The following RSL1D1 variants were observed in gnomAD, a reference collection of about 807,000 sequenced individuals.
The protein encoded by RSL1D1 is ribosomal L1 domain containing 1, also known as ribosomal L1 domain-containing protein 1.
RSL1D1 carries 34 observed loss-of-function variants against 44.6 expected under a neutral mutation model. The ratio of observed to expected loss-of-function variants is 0.76; its 90% CI spans 0.58 to 1.02. The LOEUF (loss-of-function observed/expected upper bound fraction) is 1.02, where lower values mean the gene tolerates loss of function less well. Among genes scored for constraint, RSL1D1 ranks in the 50% least tolerant of loss-of-function variants. The pLI, the probability that RSL1D1 is intolerant of heterozygous loss-of-function variation, is 0.00. For synonymous variants in RSL1D1, 271 were observed against 207.4 expected (o/e 1.31, Z -2.63); for missense variants, 767 against 568.1 (o/e 1.35, Z -3.56).
In RSL1D1 at chr16:11,851,445, G is replaced by A. The variant is rs1349170935; in HGVS notation, c.68C>T (p.Ala23Val). The A allele has an allele frequency of 1.2e-6, 2 of 1,614,092 alleles. No homozygotes were observed. Among genetic ancestry groups the A allele is most frequent in the Non-Finnish European group, 8.5e-7 (1 of 1,179,974 alleles). Residue 23 changes from alanine to valine, a missense_variant, in exon 1 of 9, where the codon GCG becomes GTG. Transcript: ENST00000571133. Reference sequence around the variant, plus strand: ...CAGCTGCTTCCGTGCTGTCGGGGCCGCTGGAGTCGAGGTGGAGGTTCCAGT... The same window carrying A: ...CAGCTGCTTCCGTGCTGTCGGGGCCACTGGAGTCGAGGTGGAGGTTCCAGT... ...AATGTSTSTP[A>V]APTARKQLDK...
At chr16:11,842,340 AC>A (rs1567419005) in intron 5 of RSL1D1, among the ~76,000 whole-genome samples, 1 of 148,716 alleles carries the variant, frequency 6.7e-6, no homozygotes, top group Admixed American at 6.6e-5. Context: ...GAAAAAAAAA[AC>A]AAAACAAAAA....
chr16:11,846,890 C>G, intron 3 of RSL1D1, 47 bp from the exon 4 acceptor site: 1 of 1,502,348 alleles, frequency 6.7e-7, no homozygotes, highest in Non-Finnish European at 9.2e-7. Flanking sequence ...GGAATCTAAA[C>G]AAGGAGAAGA....
intron 5 of RSL1D1, among the ~76,000 whole-genome samples, chr16:11,845,097 A>T (rs2053788189): frequency 6.6e-6 from 1 of 152,226 alleles, no homozygotes; most frequent in Admixed American, 6.5e-5. Flanking sequence ...AATTCATTTA[A>T]TAGGAAGTTA....
At chr16:11,838,644 G>C (rs1425236195) in intron 8 of RSL1D1, among the ~76,000 whole-genome samples, 1 of 151,484 alleles carries the variant, frequency 6.6e-6, no homozygotes, top group Non-Finnish European at 1.5e-5. Context: ...ATTACTTGAG[G>C]CCAGGAGTTC....
Position 11,837,730 on chromosome 16 carries a change from A to G in RSL1D1, c.*57T>C. On this transcript the variant is annotated 3_prime_UTR_variant, in exon 9 of 9. Transcript: ENST00000571133. ...TTACAAAGGCGGCCAGGATCTGAGT[A>G]TTTCCAAAAAGCTCTGGAGGCAGCA... 6.9e-7 allele frequency: 1 copy of G among 1,448,782 alleles called. No homozygotes were observed. The highest frequency in any genetic ancestry group is 9.4e-7 in the Non-Finnish European group (1 of 1,062,072). The allele number at this position is 1,448,782 out of a possible 1,614,324, so 89.7% of individuals were successfully genotyped here.
intron 2 of RSL1D1, among the ~76,000 whole-genome samples, chr16:11,848,217 G>A (rs1209054063): frequency 6.6e-6 from 1 of 152,000 alleles, no homozygotes; most frequent in Non-Finnish European, 1.5e-5. Context: ...CGCACCACTG[G>A]ACTCCAGCCT....
chr16:11,838,587 T>C (rs1336321644), intron 8 of RSL1D1, among the ~76,000 whole-genome samples: 1 of 151,976 alleles, frequency 6.6e-6, no homozygotes, highest in Non-Finnish European at 1.5e-5. Flanking sequence ...ATAGGTGAGG[T>C]GGCTCATGCC....
chr16:11,839,552 A>G, intron 8 of RSL1D1, 143 bp downstream of exon 8: 1 of 1,266,864 alleles, frequency 7.9e-7, no homozygotes, highest in Non-Finnish European at 1.1e-6. Context: ...AAAAAGGTAC[A>G]ATAAATCATG....
chr16:11,843,350 C>T lies in RSL1D1; in HGVS notation c.636-1350G>A, dbSNP rs2053776166. On this transcript the variant is annotated intron_variant, in intron 5 of 8. Transcript: ENST00000571133. ...TCTCCCAAAGTGCTGGGATTACAAG[C>T]GTGAGCCACCATGCCCAGCCGAGGC... Among the ~76,000 whole-genome samples the T allele has an allele frequency of 3.3e-5, 5 of 151,878 alleles. No individual in the cohort carries two copies. The South Asian group carries it at 1.0e-3, about 32-fold the overall frequency.
intron 1 of RSL1D1, chr16:11,851,192 G>A: frequency 8.1e-6 from 5 of 613,796 alleles, no homozygotes; most frequent in Non-Finnish European, 1.5e-5. Flanking sequence ...CAGCACACTT[G>A]CAACCCAATT....
intron 5 of RSL1D1, among the ~76,000 whole-genome samples, chr16:11,845,629 C>T (rs2053792295): frequency 6.6e-6 from 1 of 152,152 alleles, no homozygotes; most frequent in Non-Finnish European, 1.5e-5. Flanking sequence ...TAGCTACATA[C>T]AAATAGTGCC....
chr16:11,846,811 A>G lies in RSL1D1; in HGVS notation c.417T>C (p.Tyr139=), dbSNP rs749691057. ...IISLQTLKKE[Y]KSYEAKLRLL... ...GGCGGAGCTTGGCTTCATAGGATTTATATTCCTTCTTTAGAGTTTGGAGGG... is the reference window on the plus strand; with the variant it reads ...GGCGGAGCTTGGCTTCATAGGATTTGTATTCCTTCTTTAGAGTTTGGAGGG... Residue 139 remains tyrosine (Y), a synonymous_variant, in exon 4 of 9, where the codon TAT becomes TAC. Transcript: ENST00000571133. 2 of 1,611,992 alleles carry G rather than the reference A, an allele frequency of 1.2e-6. No individual in the cohort carries two copies. Among genetic ancestry groups the G allele is most frequent in the South Asian group, 2.2e-5 (2 of 91,058 alleles).
Position 11,839,856 on chromosome 16 carries a change from T to C in RSL1D1, c.985A>G (p.Thr329Ala). 1.2e-6 allele frequency: 2 copies of C among 1,614,202 alleles called. No individual in the cohort carries two copies. The highest frequency in any genetic ancestry group is 8.5e-7 in the Non-Finnish European group (1 of 1,180,042). The change falls in exon 8 of 9, where the codon ACA (threonine) becomes GCA (alanine). Residue 329 changes from threonine (T) to alanine (A), a missense_variant. Coordinates refer to ENST00000571133, the MANE Select transcript of RSL1D1 (RefSeq NM_015659.3). ...TTCTTTGATTCAGGTTTCTTCACTGTAGTATCACCACTTTCAGGTGCCACA... is the reference window on the plus strand; with the variant it reads ...TTCTTTGATTCAGGTTTCTTCACTGCAGTATCACCACTTTCAGGTGCCACA... ...DDVAPESGDT[T>A]VKKPESKKEQ...
rs74713371 is a variant in RSL1D1 at position 11,835,184 on chromosome 16, G to GT, written c.*2602dup. 0.082 allele frequency: 12,134 copies of GT among 148,092 alleles called. 580 individuals are homozygous for GT. The highest frequency in any genetic ancestry group is 0.18 in the South Asian group (837 of 4,686). 9.2% of individuals were successfully genotyped at this position (148,092 alleles called of 1,614,324 possible). Reference sequence around the variant, plus strand: ...CCTCTAATTTCAGGGAGAGCTAGATGTTTTTTTTTTTCTCTTTTTTTCAGT... The same window carrying GT: ...CCTCTAATTTCAGGGAGAGCTAGATGTTTTTTTTTTTTCTCTTTTTTTCAGT... On this transcript the variant is annotated 3_prime_UTR_variant, in exon 9 of 9. Transcript: ENST00000571133.
intron 5 of RSL1D1, among the ~76,000 whole-genome samples, chr16:11,844,045 C>G (rs551507523): frequency 9.9e-5 from 15 of 152,234 alleles, no homozygotes; most frequent in Non-Finnish European, 1.8e-4. Flanking sequence ...AGAAGGAAGG[C>G]TCACTGTCGG....
chr16:11,840,556 A>C (rs1299051135), intron 7 of RSL1D1, among the ~76,000 whole-genome samples: 2 of 152,182 alleles, frequency 1.3e-5, no homozygotes, highest in East Asian at 3.8e-4. Context: ...CGACAGAGTG[A>C]AACTCTGTCT....
Position 11,836,226 on chromosome 16 carries a change from G to A in RSL1D1, c.*1561C>T, listed in dbSNP as rs998414736. The A allele has an allele frequency of 1.3e-5, 2 of 152,150 alleles. No homozygotes were observed. Among genetic ancestry groups the A allele is most frequent in the African/African-American group, 4.8e-5 (2 of 41,440 alleles). The allele number at this position is 152,150 out of a possible 1,614,324, so 9.4% of individuals were successfully genotyped here. ...CCTTCACAGCCTCCACCATCCCGAT[G>A]GTCTGCTGGTCCTACTTCTCTCTCA... On this transcript the variant is annotated 3_prime_UTR_variant, in exon 9 of 9. Coordinates refer to ENST00000571133, the MANE Select transcript of RSL1D1 (RefSeq NM_015659.3).
At chr16:11,844,029 T>C (rs552493576) in intron 5 of RSL1D1, among the ~76,000 whole-genome samples, 2 of 150,180 alleles carry the variant, frequency 1.3e-5, no homozygotes, top group African/African-American at 4.9e-5. Context: ...CAGAAGGAAG[T>C]GAGCCAGAAG....
chr16:11,838,052 C>T lies in RSL1D1; in HGVS notation c.1208G>A (p.Arg403His), dbSNP rs375088154. The T allele has an allele frequency of 2.4e-5, 38 of 1,613,354 alleles. No individual in the cohort carries two copies. The highest frequency in any genetic ancestry group is 1.9e-4 in the South Asian group (17 of 90,986). The change falls in exon 9 of 9, where the codon CGT becomes CAT. Residue 403 changes from arginine to histidine, a missense_variant. By Grantham distance (29) the Arg-to-His change is conservative (BLOSUM62 0). Transcript: ENST00000571133. ...TGGCAAAGCCTTTCTTTTCTTCCCA[C>T]GAGGTGTGCTGGGATTAGGACTCTT... Reference protein sequence around the residue: ...PAKSPNPSTPRGKKRKALPAS... With the variant: ...PAKSPNPSTPHGKKRKALPAS...
Sources: gnomAD v4.1 joint callset for allele counts (sites outside exome capture counted in the v4.1 genomes callset) on GRCh38, gnomAD v4.1.1 for gene constraint, MANE v1.5 for transcripts, NCBI Gene and HGNC (gene_info 2026-07-23, HGNC 2026-07-21) for gene names.